The following EXOC2 variants were observed in gnomAD, a reference collection of about 807,000 sequenced individuals.
The protein encoded by EXOC2 is exocyst complex component 2.
Under a neutral mutation model 131.8 loss-of-function variants are expected in EXOC2, and 70 were observed. The ratio of observed to expected loss-of-function variants is 0.53; its 90% CI spans 0.44 to 0.65. EXOC2 has a LOEUF of 0.65. Ranked by LOEUF, EXOC2 falls within the 30% of genes least tolerant of loss-of-function variation. The probability of loss-of-function intolerance (pLI) is 0.00; values close to 1 mark genes in which losing one functional copy is unlikely to be tolerated. For missense variants in EXOC2, 923 were observed against 1,108.6 expected (o/e 0.83, Z 2.38); for synonymous variants, 411 against 398.4 (o/e 1.03, Z -0.38).
At chr6:603,901 T>C (rs1766838) in intron 7 of EXOC2, among the ~76,000 whole-genome samples, 13,619 of 152,250 alleles carry the variant, frequency 0.089, 1,039 homozygotes, top group African/African-American at 0.21. Context: ...TAGCTAATAA[T>C]GACAGGAATA....
chr6:539,784 C>G (rs185388228), intron 22 of EXOC2, among the ~76,000 whole-genome samples: 1 of 152,262 alleles, frequency 6.6e-6, no homozygotes, highest in East Asian at 1.9e-4. Context: ...ATAAGGTCAT[C>G]AAACTATCAT....
At chr6:539,066 T>C (rs112066362) in intron 22 of EXOC2, among the ~76,000 whole-genome samples, 13 of 60,490 alleles carry the variant, frequency 2.1e-4, no homozygotes, top group Admixed American at 1.2e-3. Context: ...CAAGACTCTG[T>C]CTGAAGAAAA....
intron 6 of EXOC2, among the ~76,000 whole-genome samples, chr6:616,589 C>T (rs1360627276): frequency 2.3e-4 from 19 of 83,130 alleles, no homozygotes; most frequent in African/African-American, 7.6e-4. Flanking sequence ...GGCGACAGAG[C>T]GAAACTCCGT....
rs1305048155 is a variant in EXOC2, at chr6:576,967, G to A, written c.1193-85C>T. The A allele has an allele frequency of 3.8e-6, 5 of 1,300,974 alleles. No individual in the cohort carries two copies. The East Asian group carries it at 1.0e-4, about 27-fold the overall frequency. The allele number at this position is 1,300,974 out of a possible 1,614,324, so 80.6% of individuals were successfully genotyped here. A position where few individuals can be genotyped will look rare whatever the true frequency, so the allele number is the denominator to read the frequency against. On this transcript the variant is annotated intron_variant, in intron 11 of 27. Coordinates refer to ENST00000230449, the MANE Select transcript of EXOC2 (RefSeq NM_018303.6). ...TTGATTTAATGGTCTGCTTCTCTGA[G>A]GCTATTTCTTGCTCAATTGCTCCAC...
In EXOC2 at chr6:561,964, A is replaced by G. The variant is rs562576519; in HGVS notation, c.1851+820T>C. On this transcript the variant is annotated intron_variant, in intron 17 of 27. Coordinates refer to ENST00000230449, the MANE Select transcript of EXOC2 (RefSeq NM_018303.6). ...ACCTCTGTTGCCAACAGGGACAGGC[A>G]TGGAATGTGTTCTGACCAATTAGAT... Among the ~76,000 whole-genome samples the G allele has an allele frequency of 3.9e-5, 6 of 152,332 alleles. No individual in the cohort carries two copies. The East Asian group carries it at 1.2e-3, about 29-fold the overall frequency.
chr6:548,610 G>A (rs776161488), intron 22 of EXOC2, among the ~76,000 whole-genome samples: 17 of 152,214 alleles, frequency 1.1e-4, no homozygotes, highest in Non-Finnish European at 2.1e-4. Context: ...TTGGAGAGTG[G>A]GGAGGACATA....
chr6:607,671 A>G (rs1033728448), intron 7 of EXOC2, among the ~76,000 whole-genome samples: 2 of 152,242 alleles, frequency 1.3e-5, no homozygotes, highest in African/African-American at 2.4e-5. Flanking sequence ...CTACATTTTC[A>G]TCATTGCAGA....
intron 7 of EXOC2, among the ~76,000 whole-genome samples, chr6:599,599 C>T (rs1162263983): frequency 1.3e-5 from 2 of 152,136 alleles, no homozygotes; most frequent in Non-Finnish European, 2.9e-5. Context: ...TGTGCATACA[C>T]GTGTACATTA....
At chr6:625,000 C>T (rs1341233689) in intron 4 of EXOC2, among the ~76,000 whole-genome samples, 1 of 152,248 alleles carries the variant, frequency 6.6e-6, no homozygotes, top group Non-Finnish European at 1.5e-5. Flanking sequence ...TGTGTAAACT[C>T]ACGAAATGTT....
intron 20 of EXOC2, among the ~76,000 whole-genome samples, chr6:554,751 A>G (rs1342686305): frequency 1.3e-5 from 2 of 152,202 alleles, no homozygotes; most frequent in African/African-American, 4.8e-5. Flanking sequence ...GCACTTTACA[A>G]TGCTGTCCTA....
At chr6:687,321 C>G (rs1764709265) in intron 1 of EXOC2, among the ~76,000 whole-genome samples, 1 of 151,708 alleles carries the variant, frequency 6.6e-6, no homozygotes, top group African/African-American at 2.4e-5. Flanking sequence ...ACTGGGACCA[C>G]AGACATGTAC....
At chr6:646,596 T>C (rs1033481008) in intron 1 of EXOC2, among the ~76,000 whole-genome samples, 3 of 152,246 alleles carry the variant, frequency 2.0e-5, no homozygotes, top group Non-Finnish European at 2.9e-5. Context: ...ATTAGGCTCA[T>C]TGTTCCTGAA....
At chr6:527,108 A>G (rs936640588) in intron 23 of EXOC2, among the ~76,000 whole-genome samples, 1 of 152,262 alleles carries the variant, frequency 6.6e-6, no homozygotes, top group African/African-American at 2.4e-5. Context: ...CATGTAACAT[A>G]CAACTTATTT....
chr6:558,285 G>A (rs535905193), intron 17 of EXOC2, among the ~76,000 whole-genome samples: 32 of 152,160 alleles, frequency 2.1e-4, no homozygotes, highest in African/African-American at 7.5e-4. Context: ...CCACCAGAGG[G>A]CATTATAAAG....
chr6:589,365 T>A (rs1377997376), intron 11 of EXOC2, among the ~76,000 whole-genome samples: 1 of 151,272 alleles, frequency 6.6e-6, no homozygotes, highest in African/African-American at 2.4e-5. Context: ...AATGCTGATC[T>A]AGAGAACTGA....
At chr6:625,415 GCTAGTT>G (rs1235704521) in intron 4 of EXOC2, among the ~76,000 whole-genome samples, 3 of 151,996 alleles carry the variant, frequency 2.0e-5, no homozygotes, top group Non-Finnish European at 4.4e-5. Context: ...AGTGGGCATT[GCTAGTT>G]CTTTGTGTGC....
At chr6:614,140 A>G (rs1277490959) in intron 6 of EXOC2, among the ~76,000 whole-genome samples, 1 of 152,014 alleles carries the variant, frequency 6.6e-6, no homozygotes, top group Non-Finnish European at 1.5e-5. Context: ...AACTCTTGAA[A>G]TGTTCTGCCT....
At chr6:655,947 C>A in intron 1 of EXOC2, 2 of 584,368 alleles carry the variant, frequency 3.4e-6, no homozygotes, top group Admixed American at 3.1e-5. Flanking sequence ...ACTGTTTTAC[C>A]AATGCTTTAA....
chr6:489,321 G>C (rs934113499), intron 26 of EXOC2, among the ~76,000 whole-genome samples: 2 of 152,234 alleles, frequency 1.3e-5, no homozygotes, highest in Non-Finnish European at 2.9e-5. Flanking sequence ...GCTAGTGATA[G>C]AGGAGAGCTT....
Sources: allele counts gnomAD v4.1 joint callset (sites outside exome capture counted in the v4.1 genomes callset), GRCh38; gene constraint gnomAD v4.1.1; transcripts MANE v1.5; gene names NCBI Gene and HGNC (gene_info 2026-07-23, HGNC 2026-07-21).